NTM: variants seen among roughly 807,000 people sequenced by gnomAD.
The protein encoded by NTM is neurotrimin, also known as IgLON family member 2.
NTM carries 13 observed loss-of-function variants against 42.1 expected under a neutral mutation model. The observed-to-expected ratio is 0.31, with a 90% confidence interval of 0.20 to 0.49. The LOEUF is 0.49. Ranked by LOEUF, NTM falls within the 20% of genes least tolerant of loss-of-function variation. The pLI, the probability that NTM is intolerant of heterozygous loss-of-function variation, is 0.99. For missense variants in NTM, 373 were observed against 452.8 expected, an observed-to-expected ratio of 0.82 and a Z score of 1.60; for synonymous variants, 187 against 179.2, an observed-to-expected ratio of 1.04 and a Z score of -0.35.
chr11:131,749,861 A>G (rs574421925), intron 1 of NTM, among the ~76,000 whole-genome samples: 62 of 152,294 alleles, frequency 4.1e-4, no homozygotes, highest in African/African-American at 1.5e-3. Flanking sequence ...CAGCCTCCCA[A>G]AGTGCTGGGA....
At chr11:132,317,814 T>G in intron 7 of NTM, 1 of 459,942 alleles carries the variant, frequency 2.2e-6, no homozygotes, top group East Asian at 7.3e-5. Flanking sequence ...GGAAGGCTAT[T>G]GAAGGAGGTG....
chr11:132,236,474 G>A (rs1387292549), intron 4 of NTM, among the ~76,000 whole-genome samples: 1 of 152,100 alleles, frequency 6.6e-6, no homozygotes, highest in Non-Finnish European at 1.5e-5. Context: ...AACTTGGGAG[G>A]AATATACACC....
intron 1 of NTM, among the ~76,000 whole-genome samples, chr11:131,813,857 G>T (rs2092838027): frequency 6.6e-6 from 1 of 152,048 alleles, no homozygotes; most frequent in South Asian, 2.1e-4. Context: ...ATAGTTGTGA[G>T]GCCTTGGGGG....
chr11:131,509,767 A>C (rs377147516), intron 1 of NTM, among the ~76,000 whole-genome samples: 51 of 152,292 alleles, frequency 3.3e-4, no homozygotes, highest in African/African-American at 1.2e-3. Context: ...TTCTTTCTTT[A>C]GAGATAAGAA....
intron 4 of NTM, among the ~76,000 whole-genome samples, chr11:132,269,948 A>G (rs1227567932): frequency 6.6e-6 from 1 of 152,212 alleles, no homozygotes; most frequent in Non-Finnish European, 1.5e-5. Flanking sequence ...CAAATTGTAT[A>G]CAGTCAGGTA....
chr11:131,389,360 T>A (rs568528857), intron 1 of NTM, among the ~76,000 whole-genome samples: 23 of 152,288 alleles, frequency 1.5e-4, no homozygotes, highest in African/African-American at 5.5e-4. Context: ...GACAGAACAA[T>A]TTGCCGGTGC....
chr11:131,486,756 AT>A (rs765590159), intron 1 of NTM, among the ~76,000 whole-genome samples: 1 of 151,976 alleles, frequency 6.6e-6, no homozygotes, highest in Non-Finnish European at 1.5e-5. Context: ...TTCTAACCAC[AT>A]TCTTCTCCAG....
intron 2 of NTM, among the ~76,000 whole-genome samples, chr11:132,131,834 C>T (rs1265237246): frequency 6.6e-6 from 1 of 152,084 alleles, no homozygotes; most frequent in East Asian, 1.9e-4. Context: ...GGAAGAGGCC[C>T]CCCGCTCCCA....
chr11:132,276,034 T>G (rs1260808499), intron 4 of NTM, among the ~76,000 whole-genome samples: 1 of 151,970 alleles, frequency 6.6e-6, no homozygotes, highest in Non-Finnish European at 1.5e-5. Flanking sequence ...GTTCTACTGT[T>G]TCTGTGATAT....
intron 1 of NTM, among the ~76,000 whole-genome samples, chr11:131,642,459 T>C (rs2065258183): frequency 1.3e-5 from 2 of 152,218 alleles, no homozygotes; most frequent in Admixed American, 1.3e-4. Flanking sequence ...CTGGAATTAA[T>C]GGAGGACAAA....
At chr11:132,009,628 C>T (rs965039283) in intron 2 of NTM, among the ~76,000 whole-genome samples, 19 of 152,316 alleles carry the variant, frequency 1.2e-4, no homozygotes, top group African/African-American at 4.3e-4. Context: ...GCACTGCTTT[C>T]GTGCACTCTG....
intron 2 of NTM, among the ~76,000 whole-genome samples, chr11:132,066,495 G>A (rs1946045): frequency 0.26 from 39,809 of 152,054 alleles, 5,654 homozygotes; most frequent in African/African-American, 0.35. Context: ...CACAAACTGG[G>A]TGACTTAAAA....
chr11:132,073,647 A>AAACTCACCAAAC, intron 2 of NTM, among the ~76,000 whole-genome samples: 1 of 152,128 alleles, frequency 6.6e-6, no homozygotes, highest in South Asian at 2.1e-4. Context: ...CAAACTAACC[A>AAACTCACCAAAC]TTATGGTCAA....
chr11:131,402,238 T>C lies in NTM; in HGVS notation c.82+31350T>C, dbSNP rs145588564. Among the ~76,000 whole-genome samples, 1,473 of 152,114 alleles carry C rather than the reference T, an allele frequency of 9.7e-3. 20 individuals carry two copies. Among genetic ancestry groups the C allele is most frequent in the Non-Finnish European group, 0.011 (776 of 67,992 alleles). On this transcript the variant is annotated intron_variant, in intron 1 of 8. Transcript: ENST00000683400. ...ATGTCATAACCACCATGATGAAATG[T>C]TGGATCCATATTTAGCAATTATTGT...
intron 1 of NTM, among the ~76,000 whole-genome samples, chr11:131,634,315 G>A (rs922231647): frequency 3.3e-5 from 5 of 151,962 alleles, no homozygotes; most frequent in South Asian, 2.1e-4. Context: ...TACTGCAGAC[G>A]GCTTATTCTG....
At chr11:131,529,033 C>T (rs764802227) in intron 1 of NTM, among the ~76,000 whole-genome samples, 24 of 152,184 alleles carry the variant, frequency 1.6e-4, no homozygotes, top group South Asian at 2.1e-4. Flanking sequence ...GATTGAGTAT[C>T]GCTTCAGCAC....
Position 131,824,349 on chromosome 11 carries a change from G to T in NTM, c.83-87215G>T, listed in dbSNP as rs114582638. Among the ~76,000 whole-genome samples the T allele has an allele frequency of 2.1e-3, 316 of 152,264 alleles. 3 individuals carry two copies. Among genetic ancestry groups the T allele is most frequent in the African/African-American group, 7.0e-3 (290 of 41,546 alleles). On this transcript the variant is annotated intron_variant, in intron 1 of 8. Transcript: ENST00000683400. ...CTCCACAAATATTTGTTGAGTGTCC[G>T]CTAAGCTCCAGACGTAGAGCTGGCT...
chr11:131,617,692 C>T (rs771520169), intron 1 of NTM, among the ~76,000 whole-genome samples: 4 of 152,158 alleles, frequency 2.6e-5, no homozygotes, highest in African/African-American at 9.7e-5. Context: ...TATAGGGGCT[C>T]GTGTGAACAG....
chr11:131,819,629 C>T lies in NTM; in HGVS notation c.83-91935C>T, dbSNP rs147022640. Among the ~76,000 whole-genome samples the T allele has an allele frequency of 1.4e-3, 217 of 152,284 alleles. 3 individuals are homozygous for T. The East Asian group carries it at 0.016, about 11-fold the overall frequency. On this transcript the variant is annotated intron_variant, in intron 1 of 8. Coordinates refer to ENST00000683400, the MANE Select transcript of NTM (RefSeq NM_001352005.2). ...TTCCTCACCCAGCTTTTAAATATCA[C>T]TAATAAACAGCACTAGCCAGCATGC...
Sources: gnomAD v4.1 joint callset for allele counts (sites outside exome capture counted in the v4.1 genomes callset) on GRCh38, gnomAD v4.1.1 for gene constraint, MANE v1.5 for transcripts, NCBI Gene and HGNC (gene_info 2026-07-23, HGNC 2026-07-21) for gene names.